Variants in LTBP1 observed in about 807,000 individuals in gnomAD.
LTBP1 encodes latent transforming growth factor beta binding protein 1.
A neutral mutation model predicts 207.6 loss-of-function variants in LTBP1; 129 were observed. That is an observed-to-expected ratio of 0.62 (90% CI 0.54 to 0.72). The LOEUF (loss-of-function observed/expected upper bound fraction) is 0.72, where lower values mean the gene tolerates loss of function less well. LTBP1 is among the 30% of genes least tolerant of loss of function. The pLI, the probability that LTBP1 is intolerant of heterozygous loss-of-function variation, is 0.00. For missense variants in LTBP1, 2,281 were observed against 2,217.2 expected (o/e 1.03, Z -0.58); for synonymous variants, 963 against 833.7 (o/e 1.16, Z -2.67).
Position 33,172,998 on chromosome 2 carries a change from C to A in LTBP1, c.1202-13858C>A, listed in dbSNP as rs539318424. ...CATACCAGAATCTCTGGGACACATTCAAAGCAGTGTGTAGAGGGAAATTTA... is the reference window on the plus strand; with the variant it reads ...CATACCAGAATCTCTGGGACACATTAAAAGCAGTGTGTAGAGGGAAATTTA... On this transcript the variant is annotated intron_variant, in intron 5 of 33. Coordinates refer to ENST00000404816, the MANE Select transcript of LTBP1 (RefSeq NM_206943.4). Among the ~76,000 whole-genome samples, 208 of 152,072 alleles carry A rather than the reference C, an allele frequency of 1.4e-3. 1 individual carries two copies. Among genetic ancestry groups the A allele is most frequent in the African/African-American group, 4.8e-3 (200 of 41,500 alleles).
chr2:33,183,013 CTT>C (rs1558770564), intron 5 of LTBP1, among the ~76,000 whole-genome samples: 3 of 151,908 alleles, frequency 2.0e-5, no homozygotes, highest in East Asian at 3.9e-4. Context: ...TTGAGTAAAA[CTT>C]GGGAATAATT....
At chr2:33,297,411 A>G (rs1470186811) in intron 20 of LTBP1, among the ~76,000 whole-genome samples, 3 of 144,448 alleles carry the variant, frequency 2.1e-5, no homozygotes, top group Admixed American at 6.9e-5. Context: ...TTATTTATTT[A>G]TTTATTTATT....
rs1491140691 is a variant in LTBP1, at chr2:33,228,695, C to CT, written c.1876+6544_1876+6545insT. Among the ~76,000 whole-genome samples the CT allele has an allele frequency of 6.4e-4, 39 of 60,696 alleles. 6 individuals carry two copies. The highest frequency in any genetic ancestry group is 2.0e-3 in the Admixed American group (12 of 6,002). 39.8% of individuals were successfully genotyped at this position (60,696 alleles called of 152,430 possible). A position where few individuals can be genotyped will look rare whatever the true frequency, so the allele number is the denominator to read the frequency against. ...GTTAATAAGCCCAACCAGGGTTATA[C>CT]CCTTTTTTTTTTTTTTTTTTTTTGA... On this transcript the variant is annotated intron_variant, in intron 9 of 33. Coordinates refer to ENST00000404816, the MANE Select transcript of LTBP1 (RefSeq NM_206943.4).
intron 3 of LTBP1, among the ~76,000 whole-genome samples, chr2:33,073,472 GTAT>G (rs2077908250): frequency 6.6e-6 from 1 of 152,008 alleles, no homozygotes; most frequent in Non-Finnish European, 1.5e-5. Flanking sequence ...CAAAGTCAAG[GTAT>G]TATGAGAACT....
rs773182742 is a variant in LTBP1 at position 33,252,834 on chromosome 2, T to G, written c.2157T>G (p.Leu719=). The G allele has an allele frequency of 3.1e-6, 5 of 1,605,196 alleles. No individual in the cohort carries two copies. The African/African-American group carries it at 6.7e-5, about 21-fold the overall frequency. Residue 719 remains leucine, a synonymous_variant, in exon 11 of 34, where the codon CTT becomes CTG. Coordinates refer to ENST00000404816, the MANE Select transcript of LTBP1 (RefSeq NM_206943.4). ...AWGPHCEKCP[L]PGTAAFKEIC... ...GCCCACACTGTGAGAAATGTCCCCTTCCAGGCACAGGTAAGACATGCCCAG... is the reference window on the plus strand; with the variant it reads ...GCCCACACTGTGAGAAATGTCCCCTGCCAGGCACAGGTAAGACATGCCCAG...
chr2:33,254,948 T>TG (rs945851858), intron 11 of LTBP1, among the ~76,000 whole-genome samples: 2 of 143,828 alleles, frequency 1.4e-5, no homozygotes, highest in African/African-American at 2.6e-5. Context: ...TTATTATACT[T>TG]TAAGTTTTAG....
chr2:33,229,665 T>G (rs984584693), intron 9 of LTBP1, among the ~76,000 whole-genome samples: 1 of 152,048 alleles, frequency 6.6e-6, no homozygotes, highest in Non-Finnish European at 1.5e-5. Flanking sequence ...TGGAGACTTA[T>G]TCAAGTAATT....
chr2:33,263,857 G>T lies in LTBP1; in HGVS notation c.2617+465G>T, dbSNP rs143098957. Among the ~76,000 whole-genome samples the T allele has an allele frequency of 0.013, 1,944 of 151,932 alleles. 96 individuals carry two copies. In the East Asian group the frequency reaches 0.16, roughly 13 times the overall value. On this transcript the variant is annotated intron_variant, in intron 15 of 33. Transcript: ENST00000404816. ...AGTCCCAGCTACTTGGGAGGCTGAG[G>T]CAGGGGAGTCGCTTGAACCCAGGAG...
At chr2:33,280,782 C>G (rs1330556116) in intron 19 of LTBP1, among the ~76,000 whole-genome samples, 1 of 152,148 alleles carries the variant, frequency 6.6e-6, no homozygotes, top group Non-Finnish European at 1.5e-5. Context: ...TAAGAACTTA[C>G]TATAGGCTAT....
Position 33,341,546 on chromosome 2 carries a change from C to T in LTBP1, c.3731-1292C>T, listed in dbSNP as rs1331310100. ...CTAACATGGTGAAACACCGTCTCTACTAAAAATACAAAAAATTAGCCAGGC... is the reference window on the plus strand; with the variant it reads ...CTAACATGGTGAAACACCGTCTCTATTAAAAATACAAAAAATTAGCCAGGC... On this transcript the variant is annotated intron_variant, in intron 24 of 33. Transcript: ENST00000404816. 2.0e-5 allele frequency among the ~76,000 whole-genome samples: 3 copies of T among 151,294 alleles called. No homozygotes were observed. The East Asian group carries it at 5.8e-4, about 29-fold the overall frequency.
intron 2 of LTBP1, among the ~76,000 whole-genome samples, chr2:32,953,009 G>A (rs1347964690): frequency 6.6e-6 from 1 of 152,214 alleles, no homozygotes; most frequent in Non-Finnish European, 1.5e-5. Flanking sequence ...TGTAGGGAGT[G>A]CAGGTCTGTT....
intron 31 of LTBP1, among the ~76,000 whole-genome samples, chr2:33,370,226 T>C (rs1211046871): frequency 6.6e-6 from 1 of 152,250 alleles, no homozygotes; most frequent in African/African-American, 2.4e-5. Context: ...AAATGCATTT[T>C]CAAATGTAAT....
In LTBP1 at chr2:33,280,030, A is replaced by G. The variant is rs954767556; in HGVS notation, c.2993-9A>G. ...AAAATGTTCACGACCTAGGTTTTTG[A>G]TTTTTCAGATATTGATGAATGTTTG... On this transcript the variant is annotated splice_polypyrimidine_tract_variant and intron_variant, in intron 18 of 33. Transcript: ENST00000404816. 2.4e-5 allele frequency: 38 copies of G among 1,612,242 alleles called. No individual in the cohort carries two copies. Among genetic ancestry groups the G allele is most frequent in the Non-Finnish European group, 3.1e-5 (36 of 1,179,578 alleles).
At chr2:33,231,703 A>G (rs1039958117) in intron 9 of LTBP1, among the ~76,000 whole-genome samples, 1 of 152,150 alleles carries the variant, frequency 6.6e-6, no homozygotes, top group African/African-American at 2.4e-5. Context: ...GGAGAAAAGA[A>G]TGTGTCTTGT....
At chr2:33,336,524 G>A (rs565516802) in intron 24 of LTBP1, among the ~76,000 whole-genome samples, 1 of 152,210 alleles carries the variant, frequency 6.6e-6, no homozygotes, top group East Asian at 1.9e-4. Flanking sequence ...AGTCAAAATG[G>A]ACCATATGAT....
intron 5 of LTBP1, among the ~76,000 whole-genome samples, chr2:33,168,062 A>G (rs757364966): frequency 5.9e-5 from 9 of 152,182 alleles, no homozygotes; most frequent in East Asian, 1.9e-4. Context: ...AGACATTCCT[A>G]TCACTCTGTG....
At chr2:32,962,840 C>CT (rs1307687505) in intron 2 of LTBP1, among the ~76,000 whole-genome samples, 1 of 152,248 alleles carries the variant, frequency 6.6e-6, no homozygotes, top group Non-Finnish European at 1.5e-5. Flanking sequence ...AATGCAAACT[C>CT]TCCAGCCCTG....
chr2:33,320,166 C>A (rs975497504), intron 24 of LTBP1, among the ~76,000 whole-genome samples: 1 of 151,986 alleles, frequency 6.6e-6, no homozygotes, highest in African/African-American at 2.4e-5. Flanking sequence ...GTCAGGAGTT[C>A]GAGGCCAGCT....
intron 24 of LTBP1, among the ~76,000 whole-genome samples, chr2:33,341,250 C>T (rs2094615643): frequency 6.6e-6 from 1 of 151,840 alleles, no homozygotes; most frequent in South Asian, 2.1e-4. Flanking sequence ...TTTTTGAAGG[C>T]AGTGAGGGTA....
Sources: gnomAD v4.1 joint callset for allele counts (sites outside exome capture counted in the v4.1 genomes callset) on GRCh38, gnomAD v4.1.1 for gene constraint, MANE v1.5 for transcripts, NCBI Gene and HGNC (gene_info 2026-07-23, HGNC 2026-07-21) for gene names.